Variants in CCL24 observed in about 807,000 individuals in gnomAD.
CCL24 encodes C-C motif chemokine 24.
Under a neutral mutation model 8.6 loss-of-function variants are expected in CCL24, and 6 were observed. The observed-to-expected ratio is 0.70, with a 90% CI of 0.38 to 1.38. The LOEUF is 1.38. CCL24 is among the 40% of genes most tolerant of loss of function. CCL24 has a pLI of 0.02. For synonymous variants in CCL24, 59 were observed against 52.7 expected, an observed-to-expected ratio of 1.12 and a Z score of -0.52; for missense variants, 126 against 147.1, an observed-to-expected ratio of 0.86 and a Z score of 0.74.
upstream of CCL24, among the ~76,000 whole-genome samples, chr7:75,817,411 C>T (rs782546053): frequency 9.2e-5 from 14 of 151,518 alleles, no homozygotes; most frequent in Middle Eastern, 3.4e-3. Context: ...AGCAGAAGGT[C>T]ATTGGGTGGG....
chr7:75,815,811 T>C (rs1266995113), upstream of CCL24, among the ~76,000 whole-genome samples: 1 of 152,106 alleles, frequency 6.6e-6, no homozygotes, highest in African/African-American at 2.4e-5. Context: ...AATTATTGGG[T>C]AACAAGAACA....
upstream of CCL24, among the ~76,000 whole-genome samples, chr7:75,815,459 T>G (rs1260467567): frequency 6.6e-6 from 1 of 150,642 alleles, no homozygotes; most frequent in African/African-American, 2.4e-5. Flanking sequence ...CTGCTCAACA[T>G]AGCAAAACCC....
At position 75,813,335 on chromosome 7, in the gene CCL24, G is replaced by T. The variant is rs138783577; in HGVS notation, c.162C>A (p.Ser54Arg). Residue 54 changes from serine to arginine, a missense_variant, in exon 2 of 3, where the codon AGC becomes AGA. Physicochemically the swap from Ser to Arg is moderately radical, Grantham distance 110. Coordinates refer to ENST00000222902, the MANE Select transcript of CCL24 (RefSeq NM_002991.3). Reference protein sequence around the residue: ...ENRVVSYQLSSRSTCLKAGVI... With the variant: ...ENRVVSYQLSRRSTCLKAGVI... ...CTCCTGCCTTGAGGCATGTGCTCCT[G>T]CTGGACAGCTGGTAGCTGACCACTC... 2.0e-5 allele frequency: 33 copies of T among 1,611,642 alleles called. No homozygotes were observed. The highest frequency in any genetic ancestry group is 2.5e-5 in the Non-Finnish European group (30 of 1,178,158).
chr7:75,821,388 G>A (rs1036066301), intron 1 of CCL24, among the ~76,000 whole-genome samples: 5 of 152,094 alleles, frequency 3.3e-5, no homozygotes, highest in Non-Finnish European at 7.4e-5. Flanking sequence ...GAGAGGTGGA[G>A]GAAGTTAGGA....
At chr7:75,818,262 C>G (rs370422268), upstream of CCL24, among the ~76,000 whole-genome samples, 1 of 151,958 alleles carries the variant, frequency 6.6e-6, no homozygotes, top group Non-Finnish European at 1.5e-5. Context: ...ACTTAGCTCC[C>G]GAAATGGGAG....
chr7:75,820,816 AATCC>A (rs78975822), intron 1 of CCL24, among the ~76,000 whole-genome samples: 18,693 of 139,084 alleles, frequency 0.13, 1,379 homozygotes, highest in Non-Finnish European at 0.18. Context: ...TCCATTCACT[AATCC>A]ATCCATCCAT....
At chr7:75,821,330 G>A (rs1409822080) in intron 1 of CCL24, among the ~76,000 whole-genome samples, 2 of 152,182 alleles carry the variant, frequency 1.3e-5, no homozygotes, top group Admixed American at 6.6e-5. Context: ...GCTGCAGTAA[G>A]TCATGTGGCA....
intron 2 of CCL24, among the ~76,000 whole-genome samples, chr7:75,812,850 A>C (rs1554533580): frequency 6.6e-6 from 1 of 152,046 alleles, no homozygotes; most frequent in Non-Finnish European, 1.5e-5. Flanking sequence ...GAATTGCTTG[A>C]ACCTGGGAGG....
At chr7:75,814,900 G>A (rs937598426), upstream of CCL24, among the ~76,000 whole-genome samples, 5 of 151,686 alleles carry the variant, frequency 3.3e-5, no homozygotes, top group African/African-American at 9.7e-5. Flanking sequence ...TTCCCGCGCC[G>A]ACCAGATTCC....
chr7:75,815,505 A>G (rs1803870392), upstream of CCL24, among the ~76,000 whole-genome samples: 1 of 152,060 alleles, frequency 6.6e-6, no homozygotes, highest in Non-Finnish European at 1.5e-5. Context: ...AAACAAAAAA[A>G]CCACGGGAAA....
chr7:75,821,906 C>A (rs1250779315), intron 1 of CCL24, among the ~76,000 whole-genome samples: 1 of 140,802 alleles, frequency 7.1e-6, no homozygotes, highest in Non-Finnish European at 1.5e-5. Context: ...CCAGCCTGGG[C>A]GACAGAGCGA....
intron 2 of CCL24, 58 bp downstream of exon 2, chr7:75,813,248 C>T (rs890688111): frequency 9.7e-7 from 1 of 1,033,954 alleles, no homozygotes; most frequent in Non-Finnish European, 1.5e-6. Flanking sequence ...TCTCAGGGAC[C>T]CTGGAGTTGC....
intron 1 of CCL24, among the ~76,000 whole-genome samples, chr7:75,822,038 A>T (rs1327442098): frequency 1.3e-5 from 2 of 151,570 alleles, no homozygotes; most frequent in Admixed American, 1.3e-4. Flanking sequence ...GGAGGCAGAG[A>T]TTGCGGTGAG....
Position 75,811,719 on chromosome 7 carries a change from A to G in CCL24, c.*77T>C, listed in dbSNP as rs903910519. On this transcript the variant is annotated 3_prime_UTR_variant, in exon 3 of 3. Coordinates refer to ENST00000222902, the MANE Select transcript of CCL24 (RefSeq NM_002991.3). Reference sequence around the variant, plus strand: ...AGGAAAATTAGCTCTTCCCCCCATCACTGTGGCTTCTCCAGGCCCCGAGTA... The same window carrying G: ...AGGAAAATTAGCTCTTCCCCCCATCGCTGTGGCTTCTCCAGGCCCCGAGTA... 5.3e-6 allele frequency: 7 copies of G among 1,318,482 alleles called. No homozygotes were observed. Among genetic ancestry groups the G allele is most frequent in the African/African-American group, 2.9e-5 (2 of 68,222 alleles). 81.7% of individuals were successfully genotyped at this position (1,318,482 alleles called of 1,614,324 possible).
Position 75,813,620 on chromosome 7 carries a change from C to T in CCL24, c.73+23G>A, listed in dbSNP as rs78198843. ...TGCCATCCCAGCCATGCCCTTGGAA[C>T]TGCATCCTGTCGGAGGTCTTACCCG... On this transcript the variant is annotated intron_variant, in intron 1 of 2. Coordinates refer to ENST00000222902, the MANE Select transcript of CCL24 (RefSeq NM_002991.3). The T allele has an allele frequency of 3.1e-3, 5,010 of 1,600,204 alleles. 259 individuals are homozygous for T. The East Asian group carries it at 0.1, about 32-fold the overall frequency.
chr7:75,816,861 CAAA>C (rs57957590), upstream of CCL24, among the ~76,000 whole-genome samples: 60 of 98,316 alleles, frequency 6.1e-4, no homozygotes, highest in South Asian at 9.7e-4. Context: ...TGCACCTGGC[CAAA>C]AAAAAAAAAA....
In CCL24 at chr7:75,810,919, A is replaced by G. The variant is rs1474120161; in HGVS notation, c.*877T>C. On this transcript the variant is annotated 3_prime_UTR_variant, in exon 3 of 3. Transcript: ENST00000222902. Reference sequence around the variant, plus strand: ...GATAAACCCACACAGTATATCATGCATAGAAAAAAAAAGCTAGAGTCTTTT... The same window carrying G: ...GATAAACCCACACAGTATATCATGCGTAGAAAAAAAAAGCTAGAGTCTTTT... Among the ~76,000 whole-genome samples, 2 of 152,002 alleles carry G rather than the reference A, an allele frequency of 1.3e-5. No homozygotes were observed. The highest frequency in any genetic ancestry group is 4.8e-5 in the African/African-American group (2 of 41,404).
chr7:75,814,308 G>A (rs573503087), upstream of CCL24, among the ~76,000 whole-genome samples: 113 of 152,276 alleles, frequency 7.4e-4, 1 homozygote, highest in Middle Eastern at 0.02. Context: ...GCTCATGCTT[G>A]TAATCCCTGT....
chr7:75,820,107 CT>C (rs1323249633), intron 1 of CCL24, among the ~76,000 whole-genome samples: 8 of 30,116 alleles, frequency 2.7e-4, no homozygotes, highest in Non-Finnish European at 4.8e-4. Flanking sequence ...CTTCTTCTTC[CT>C]TCTTCTTCTT....
Sources: gnomAD v4.1 joint callset for allele counts (sites outside exome capture counted in the v4.1 genomes callset) on GRCh38, gnomAD v4.1.1 for gene constraint, MANE v1.5 for transcripts, NCBI Gene and HGNC (gene_info 2026-07-23, HGNC 2026-07-21) for gene names.